Variants in ASAP2 observed in about 807,000 individuals in gnomAD.
ASAP2 encodes ArfGAP with SH3 domain, ankyrin repeat and PH domain 2, also known as arf-GAP with SH3 domain, ANK repeat and PH domain-containing protein 2.
In ASAP2, 45 loss-of-function variants were observed where a neutral mutation model predicts 131.4. The observed-to-expected ratio is 0.34, with a 90% CI of 0.27 to 0.44. The LOEUF (loss-of-function observed/expected upper bound fraction) is 0.44, where lower values mean the gene tolerates loss of function less well. Ranked by LOEUF, ASAP2 falls within the 20% of genes least tolerant of loss-of-function variation. The pLI is 1.00. For synonymous variants in ASAP2, 510 were observed against 503.0 expected (o/e 1.01, Z -0.19); for missense variants, 1,011 against 1,297.0 (o/e 0.78, Z 3.39).
chr2:9,318,930 C>T (rs1031174799), intron 4 of ASAP2, among the ~76,000 whole-genome samples: 3 of 152,214 alleles, frequency 2.0e-5, no homozygotes, highest in Non-Finnish European at 4.4e-5. Flanking sequence ...GGCTTTCTAG[C>T]TGGCACGTTG....
intron 23 of ASAP2, among the ~76,000 whole-genome samples, chr2:9,391,563 T>C (rs1050937201): frequency 6.6e-6 from 1 of 151,512 alleles, no homozygotes; most frequent in Non-Finnish European, 1.5e-5. Context: ...CTTTTTGTTT[T>C]TCTTTTCTTT....
chr2:9,404,886 G>T lies in ASAP2; in HGVS notation c.*1559G>T, dbSNP rs1393999441. The T allele has an allele frequency of 7.3e-5, 11 of 150,464 alleles. No individual in the cohort carries two copies. The highest frequency in any genetic ancestry group is 2.5e-4 in the African/African-American group (10 of 40,782). The allele number at this position is 150,464 out of a possible 1,614,324, so 9.3% of individuals were successfully genotyped here. On this transcript the variant is annotated 3_prime_UTR_variant, in exon 28 of 28. Coordinates refer to ENST00000281419, the MANE Select transcript of ASAP2 (RefSeq NM_003887.3). ...GTTATATCTGTAGTTTTTTGTTTTT[G>T]TTTTTTTTTAAAGCACTACATCTGT...
At chr2:9,351,554 G>T (rs1279882332) in intron 12 of ASAP2, among the ~76,000 whole-genome samples, 5 of 152,146 alleles carry the variant, frequency 3.3e-5, no homozygotes, top group Non-Finnish European at 5.9e-5. Context: ...GGAAGAAAGG[G>T]CCAGTCTCCC....
At chr2:9,282,710 A>G (rs1287294882) in intron 2 of ASAP2, among the ~76,000 whole-genome samples, 1 of 152,228 alleles carries the variant, frequency 6.6e-6, no homozygotes, top group African/African-American at 2.4e-5. Flanking sequence ...TACGATTGAA[A>G]GAACAGTGAG....
chr2:9,218,837 T>C (rs1193232590), intron 1 of ASAP2, among the ~76,000 whole-genome samples: 1 of 152,238 alleles, frequency 6.6e-6, no homozygotes, highest in African/African-American at 2.4e-5. Flanking sequence ...TGACTATTTA[T>C]ATTTATACTT....
intron 11 of ASAP2, among the ~76,000 whole-genome samples, chr2:9,347,441 G>A (rs1672042333): frequency 6.6e-6 from 1 of 152,084 alleles, no homozygotes. Context: ...CAGGAAAAAA[G>A]GGCACATTTC....
chr2:9,347,823 T>TA (rs1217030082), intron 11 of ASAP2, among the ~76,000 whole-genome samples: 1 of 152,178 alleles, frequency 6.6e-6, no homozygotes, highest in Non-Finnish European at 1.5e-5. Flanking sequence ...CACTGGCTCT[T>TA]ACACAATCTA....
intron 1 of ASAP2, among the ~76,000 whole-genome samples, chr2:9,247,811 T>C (rs950580510): frequency 6.6e-6 from 1 of 152,234 alleles, no homozygotes; most frequent in African/African-American, 2.4e-5. Context: ...TTAAACTTCA[T>C]GTGCCTCGGG....
rs1285345309 is a variant in ASAP2 at position 9,387,633 on chromosome 2, G to A, written c.2131-661G>A. Reference sequence around the variant, plus strand: ...TGGGAAGGGGAACTTCAGGGAAAATGCTGACTTAGGTTGAGATAACTTCGA... The same window carrying A: ...TGGGAAGGGGAACTTCAGGGAAAATACTGACTTAGGTTGAGATAACTTCGA... On this transcript the variant is annotated intron_variant, in intron 21 of 27. Coordinates refer to ENST00000281419, the MANE Select transcript of ASAP2 (RefSeq NM_003887.3). Among the ~76,000 whole-genome samples, 7 of 152,310 alleles carry A rather than the reference G, an allele frequency of 4.6e-5. No homozygotes were observed. The East Asian group carries it at 1.4e-3, about 29-fold the overall frequency.
chr2:9,280,414 C>T lies in ASAP2; in HGVS notation c.199+1025C>T, dbSNP rs551477594. Among the ~76,000 whole-genome samples, 225 of 150,778 alleles carry T rather than the reference C, an allele frequency of 1.5e-3. 1 individual carries two copies. The highest frequency in any genetic ancestry group is 5.2e-3 in the African/African-American group (213 of 41,228). On this transcript the variant is annotated intron_variant, in intron 2 of 27. Coordinates refer to ENST00000281419, the MANE Select transcript of ASAP2 (RefSeq NM_003887.3). ...CAAGCTCCAGTTGCCGCTCTTGATT[C>T]TCCCCCCATGAGAGCTGTGCAAGCC...
intron 1 of ASAP2, 124 bp from the exon 2 acceptor site, chr2:9,279,193 G>C: frequency 1.2e-6 from 1 of 848,604 alleles, no homozygotes. Context: ...GAGGAGGCTT[G>C]TCTCCCAGAA....
intron 1 of ASAP2, among the ~76,000 whole-genome samples, chr2:9,231,992 C>T (rs1663199400): frequency 6.6e-6 from 1 of 152,220 alleles, no homozygotes; most frequent in South Asian, 2.1e-4. Context: ...CTTGATCTGG[C>T]CCCTTCTCTC....
intron 1 of ASAP2, among the ~76,000 whole-genome samples, chr2:9,244,396 C>T (rs972815650): frequency 6.6e-6 from 1 of 152,208 alleles, no homozygotes; most frequent in Non-Finnish European, 1.5e-5. Context: ...AAATGCTTGT[C>T]TTTGGAAGAT....
chr2:9,310,923 T>C (rs1669252440), intron 3 of ASAP2, among the ~76,000 whole-genome samples: 1 of 152,222 alleles, frequency 6.6e-6, no homozygotes, highest in African/African-American at 2.4e-5. Context: ...GATTTTGTTC[T>C]TTATATCTAA....
intron 4 of ASAP2, among the ~76,000 whole-genome samples, chr2:9,319,189 C>T (rs1476777119): frequency 3.3e-5 from 5 of 152,200 alleles, no homozygotes; most frequent in Admixed American, 1.3e-4. Context: ...GGGCTAGAGG[C>T]GCGTTTGCCA....
At chr2:9,274,062 A>G (rs1476465257) in intron 1 of ASAP2, among the ~76,000 whole-genome samples, 1 of 152,206 alleles carries the variant, frequency 6.6e-6, no homozygotes, top group Non-Finnish European at 1.5e-5. Context: ...GGAGTCAGTT[A>G]TGTCAGATCT....
At chr2:9,259,191 T>C (rs1558273866) in intron 1 of ASAP2, among the ~76,000 whole-genome samples, 1 of 152,226 alleles carries the variant, frequency 6.6e-6, no homozygotes, top group Non-Finnish European at 1.5e-5. Context: ...TTTTCTTTTC[T>C]TTGGATGGAA....
At chr2:9,307,813 A>T (rs777106610) in intron 3 of ASAP2, among the ~76,000 whole-genome samples, 30 of 152,210 alleles carry the variant, frequency 2.0e-4, no homozygotes, top group Non-Finnish European at 1.3e-4. Flanking sequence ...TTAAACACTT[A>T]GGATCAGCAT....
chr2:9,323,059 A>G, intron 5 of ASAP2, 62 bp from the exon 6 acceptor site: 1 of 1,605,368 alleles, frequency 6.2e-7, no homozygotes, highest in South Asian at 1.1e-5. Flanking sequence ...GGTGGCTTCA[A>G]GGCTGTCCCG....
Sources: gnomAD v4.1 joint callset for allele counts (sites outside exome capture counted in the v4.1 genomes callset) on GRCh38, gnomAD v4.1.1 for gene constraint, MANE v1.5 for transcripts, NCBI Gene and HGNC (gene_info 2026-07-23, HGNC 2026-07-21) for gene names.